MON2: variants seen among roughly 807,000 people sequenced by gnomAD.
The protein encoded by MON2 is MON2 regulator of endosome-to-Golgi trafficking.
In MON2, 84 loss-of-function variants were observed where a neutral mutation model predicts 208.6. That is an observed-to-expected ratio of 0.40 (90% CI 0.34 to 0.48). The LOEUF (loss-of-function observed/expected upper bound fraction) is 0.48. MON2 is among the 20% of genes least tolerant of loss of function. The probability of loss-of-function intolerance (pLI) is 0.59; values close to 1 mark genes in which losing one functional copy is unlikely to be tolerated. For synonymous variants in MON2, 660 were observed against 694.0 expected (o/e 0.95, Z 0.77); for missense variants, 1,611 against 2,015.4 (o/e 0.80, Z 3.84).
rs763031056 is a variant in MON2 at position 62,565,343 on chromosome 12, T to G, written c.4139T>G (p.Leu1380Arg). The G allele has an allele frequency of 6.2e-7, 1 of 1,611,328 alleles. No homozygotes were observed. The highest frequency in any genetic ancestry group is 2.2e-5 in the East Asian group (1 of 44,754). ...FSCKPPQYGQ[L>R]ETKHIANAKY... The stretch of plus-strand genomic sequence containing the variant: ...TGTAAACCTCCACAGTATGGACAGC[T>G]GGAAACAAAGCACATTGCAAATGCA... Residue 1380 changes from leucine to arginine, a missense_variant, in exon 27 of 35, where the codon CTG (leucine) becomes CGG (arginine). Physicochemically the swap from Leu to Arg is moderately radical, Grantham distance 102. Transcript: ENST00000393630.
In MON2 at chr12:62,595,122, C is replaced by T. The variant is rs2075498050; in HGVS notation, c.*2373C>T. ...AGTAGTAAAAATGTCCTTTGTCATACTTACTAGAAATACTATGAGTTTTTT... is the reference window on the plus strand; with the variant it reads ...AGTAGTAAAAATGTCCTTTGTCATATTTACTAGAAATACTATGAGTTTTTT... On this transcript the variant is annotated 3_prime_UTR_variant, in exon 35 of 35. Transcript: ENST00000393630. The T allele has an allele frequency of 6.6e-6, 1 of 151,338 alleles. No homozygotes were observed. The highest frequency in any genetic ancestry group is 1.5e-5 in the Non-Finnish European group (1 of 67,900). 9.4% of individuals were successfully genotyped at this position (151,338 alleles called of 1,614,324 possible).
intron 29 of MON2, among the ~76,000 whole-genome samples, chr12:62,570,890 C>T (rs930255043): frequency 6.6e-6 from 1 of 150,866 alleles, no homozygotes; most frequent in Admixed American, 6.6e-5. Flanking sequence ...TGCCACCACA[C>T]CCAGCTCATT....
intron 2 of MON2, among the ~76,000 whole-genome samples, chr12:62,488,928 A>G (rs1281323689): frequency 1.3e-5 from 2 of 152,266 alleles, no homozygotes; most frequent in East Asian, 3.9e-4. Context: ...GCAGCAAACC[A>G]CCATGGCATA....
chr12:62,524,763 T>C (rs972796090), intron 9 of MON2, 124 bp downstream of exon 9: 2 of 989,736 alleles, frequency 2.0e-6, no homozygotes, highest in African/African-American at 1.6e-5. Context: ...ATTAGTGATT[T>C]CTAAACAAAG....
chr12:62,534,823 T>C (rs746267839), intron 12 of MON2, 22 bp from the exon 13 acceptor site: 15 of 1,547,608 alleles, frequency 9.7e-6, no homozygotes, highest in Middle Eastern at 1.7e-4. Context: ...AAATTAAATA[T>C]TGTATGTTTT....
At chr12:62,481,172 AT>A (rs1478199117) in intron 1 of MON2, among the ~76,000 whole-genome samples, 1 of 152,148 alleles carries the variant, frequency 6.6e-6, no homozygotes, top group African/African-American at 2.4e-5. Context: ...TCTTGCTTAT[AT>A]TATTGCTGTA....
rs1192680038 is a variant in MON2, at chr12:62,570,722, C to CTTTTTTTTTT, written c.4324-650_4324-641dup. Among the ~76,000 whole-genome samples the CTTTTTTTTTT allele has an allele frequency of 1.3e-3, 93 of 70,874 alleles. 9 individuals are homozygous for CTTTTTTTTTT. Among genetic ancestry groups the CTTTTTTTTTT allele is most frequent in the South Asian group, 2.4e-3 (4 of 1,676 alleles). 46.5% of individuals were successfully genotyped at this position (70,874 alleles called of 152,430 possible). A position where few individuals can be genotyped will look rare whatever the true frequency, so the allele number is the denominator to read the frequency against. On this transcript the variant is annotated intron_variant, in intron 29 of 34. Coordinates refer to ENST00000393630, the MANE Select transcript of MON2 (RefSeq NM_015026.3). The stretch of plus-strand genomic sequence containing the variant: ...ATAACTATGGCAGAATTTTCTTTTT[C>CTTTTTTTTTT]TTTTTTTTTTTTTTTTTTTTTTTTT...
In MON2 at chr12:62,593,636, G is replaced by GT. The variant is rs1168054831; in HGVS notation, c.*893dup. The GT allele has an allele frequency of 1.3e-5, 2 of 152,462 alleles. No individual in the cohort carries two copies. The highest frequency in any genetic ancestry group is 2.9e-5 in the Non-Finnish European group (2 of 67,952). 9.4% of individuals were successfully genotyped at this position (152,462 alleles called of 1,614,324 possible). ...TCCAAGCTTTCACTGAAGTCTGTCT[G>GT]TTTTTTATATTGGCTGTCTGGATTT... is the stretch of plus-strand genomic sequence containing the variant. On this transcript the variant is annotated 3_prime_UTR_variant, in exon 35 of 35. Transcript: ENST00000393630.
chr12:62,501,689 CT>C lies in MON2; in HGVS notation c.785del (p.Leu262TyrfsTer18). ...ESVLNDFPQV[F>X]LQHQEFSFLL... is the part of the protein sequence containing the mutation. ...CAGTCCTCAATGATTTTCCGCAGGT[CT>C]TTTTACAAGTAAGCCATTTATAGTA... On this transcript the variant is annotated frameshift_variant, in exon 7 of 35. Transcript: ENST00000393630. LOFTEE classifies it high-confidence loss of function. 1.2e-6 allele frequency: 2 copies of C among 1,614,040 alleles called. No homozygotes were observed. The highest frequency in any genetic ancestry group is 1.7e-6 in the Non-Finnish European group (2 of 1,179,936).
Position 62,592,598 on chromosome 12 carries a change from C to G in MON2, c.5003C>G (p.Thr1668Ser). The G allele has an allele frequency of 6.3e-7, 1 of 1,593,840 alleles. No homozygotes were observed. Among genetic ancestry groups the G allele is most frequent in the Non-Finnish European group, 8.6e-7 (1 of 1,165,260 alleles). ...TTTTGCATTACAGTTGATGGAAATACCTGGGCACAAGTAATTGCCTTATAC... is the reference window on the plus strand; with the variant it reads ...TTTTGCATTACAGTTGATGGAAATAGCTGGGCACAAGTAATTGCCTTATAC... Reference protein sequence around the residue: ...KTQPENVDGNTWAQVIALYPT... With the variant: ...KTQPENVDGNSWAQVIALYPT... Residue 1668 changes from threonine to serine, a missense_variant, in exon 35 of 35, where the codon ACC (threonine) becomes AGC (serine). Thr to Ser is a moderately conservative substitution (Grantham distance 58). Transcript: ENST00000393630.
At chr12:62,514,032 A>C (rs896807230) in intron 8 of MON2, among the ~76,000 whole-genome samples, 3 of 126,244 alleles carry the variant, frequency 2.4e-5, no homozygotes, top group Non-Finnish European at 5.5e-5. Flanking sequence ...AAGTTCCACA[A>C]ATCTCTAGGG....
chr12:62,563,076 G>T (rs1296952499), intron 26 of MON2, among the ~76,000 whole-genome samples: 4 of 152,150 alleles, frequency 2.6e-5, no homozygotes, highest in African/African-American at 7.2e-5. Context: ...TACCATATCT[G>T]CATTAATCAC....
intron 19 of MON2, among the ~76,000 whole-genome samples, chr12:62,541,287 A>G (rs921306313): frequency 1.3e-5 from 2 of 151,982 alleles, no homozygotes; most frequent in African/African-American, 2.4e-5. Context: ...TGGCTGAGAC[A>G]TAAGAATCAC....
chr12:62,571,689 GTTGCT>G (rs2074602533), intron 30 of MON2, 107 bp downstream of exon 30: 8 of 935,378 alleles, frequency 8.6e-6, no homozygotes, highest in Non-Finnish European at 1.2e-5. Flanking sequence ...GATTATAAAG[GTTGCT>G]AGATTGTATT....
intron 21 of MON2, among the ~76,000 whole-genome samples, chr12:62,546,048 G>T (rs2073468365): frequency 1.3e-5 from 2 of 152,100 alleles, no homozygotes; most frequent in African/African-American, 4.8e-5. Flanking sequence ...TGCTGAAAGG[G>T]ATAGACAGAG....
At position 62,585,093 on chromosome 12, in the gene MON2, ACACACACACACACACAC is replaced by A. The variant is rs1246196343; in HGVS notation, c.4700-200_4700-184del. Among the ~76,000 whole-genome samples the A allele has an allele frequency of 1.8e-3, 204 of 114,036 alleles. 4 individuals are homozygous for A. Among genetic ancestry groups the A allele is most frequent in the African/African-American group, 7.1e-3 (192 of 26,880 alleles). The allele number at this position is 114,036 out of a possible 152,430, so 74.8% of individuals were successfully genotyped here. A position where few individuals can be genotyped will look rare whatever the true frequency, so the allele number is the denominator to read the frequency against. Reference sequence around the variant, plus strand: ...CACACACACACACACACACACACACACACACACACACACACACAAAACAAAAAAAAACAAAAAAAAAA... The same window carrying A: ...CACACACACACACACACACACACACAAAAACAAAAAAAAACAAAAAAAAAA... On this transcript the variant is annotated intron_variant, in intron 32 of 34. Coordinates refer to ENST00000393630, the MANE Select transcript of MON2 (RefSeq NM_015026.3).
At chr12:62,519,038 A>T (rs983315672) in intron 8 of MON2, among the ~76,000 whole-genome samples, 1 of 152,188 alleles carries the variant, frequency 6.6e-6, no homozygotes, top group African/African-American at 2.4e-5. Context: ...TAGAAGACAT[A>T]CTAGAGGAAT....
intron 8 of MON2, among the ~76,000 whole-genome samples, chr12:62,509,911 C>T (rs1302090023): frequency 6.6e-6 from 1 of 150,652 alleles, no homozygotes; most frequent in African/African-American, 2.4e-5. Context: ...ATTAACAAAC[C>T]GTTATCCAGA....
intron 22 of MON2, 93 bp downstream of exon 22, chr12:62,547,165 A>C (rs1194515978): frequency 3.5e-5 from 29 of 839,042 alleles, no homozygotes; most frequent in Non-Finnish European, 4.8e-5. Flanking sequence ...AGAGGTAGAG[A>C]AGGACTCCAT....
Sources: allele counts gnomAD v4.1 joint callset (sites outside exome capture counted in the v4.1 genomes callset), GRCh38; gene constraint gnomAD v4.1.1; transcripts MANE v1.5; gene names NCBI Gene and HGNC (gene_info 2026-07-23, HGNC 2026-07-21).